MPP7: variants seen among roughly 807,000 people sequenced by gnomAD.
MPP7 encodes the protein MAGUK p55 subfamily member 7.
MPP7 carries 60 observed loss-of-function variants against 76.5 expected under a neutral mutation model. The ratio of observed to expected loss-of-function variants is 0.78; its 90% CI spans 0.64 to 0.97. The LOEUF is 0.97. MPP7 is among the 50% of genes least tolerant of loss of function. The probability of loss-of-function intolerance (pLI) is 0.00; values close to 1 mark genes in which losing one functional copy is unlikely to be tolerated. For synonymous variants in MPP7, 237 were observed against 244.5 expected, an observed-to-expected ratio of 0.97 and a Z score of 0.29; for missense variants, 641 against 694.0, an observed-to-expected ratio of 0.92 and a Z score of 0.86.
intron 2 of MPP7, among the ~76,000 whole-genome samples, chr10:28,315,443 G>A (rs546071687): frequency 6.6e-6 from 1 of 152,156 alleles, no homozygotes; most frequent in African/African-American, 2.4e-5. Context: ...AGAGCGTTGT[G>A]CCCCCTTTTC....
intron 1 of MPP7, among the ~76,000 whole-genome samples, chr10:28,262,181 TAAATTATATATA>T (rs1366147612): frequency 0.13 from 10,797 of 86,276 alleles, 1,715 homozygotes; most frequent in East Asian, 0.49. Flanking sequence ...AATAAATAAA[TAAATTATATATA>T]TATATATATA....
chr10:28,258,801 C>T (rs2100615), intron 1 of MPP7, among the ~76,000 whole-genome samples: 22,315 of 152,152 alleles, frequency 0.15, 2,239 homozygotes, highest in East Asian at 0.52. Flanking sequence ...AACCACCAGG[C>T]ACTATGCTAG....
chr10:28,271,715 C>T (rs1246698587), intron 1 of MPP7, among the ~76,000 whole-genome samples: 1 of 152,190 alleles, frequency 6.6e-6, no homozygotes, highest in Non-Finnish European at 1.5e-5. Flanking sequence ...GTGGCTCACG[C>T]CTGTAATCCC....
chr10:28,213,376 G>A (rs1165137085), intron 2 of MPP7, among the ~76,000 whole-genome samples: 3 of 152,126 alleles, frequency 2.0e-5, no homozygotes, highest in Admixed American at 6.5e-5. Context: ...GATGCCCCAC[G>A]TGGGGCAAAT....
chr10:28,132,423 T>C (rs1230946758), intron 5 of MPP7, among the ~76,000 whole-genome samples: 1 of 152,112 alleles, frequency 6.6e-6, no homozygotes, highest in African/African-American at 2.4e-5. Flanking sequence ...CCAATATATA[T>C]TCTATTTTTT....
chr10:28,240,319 A>G (rs1839224453), intron 1 of MPP7, among the ~76,000 whole-genome samples: 1 of 152,186 alleles, frequency 6.6e-6, no homozygotes, highest in Admixed American at 6.5e-5. Context: ...AATAAAGAGA[A>G]ATGAACTTGC....
At chr10:28,128,087 T>C (rs1835076303) in intron 6 of MPP7, among the ~76,000 whole-genome samples, 1 of 152,258 alleles carries the variant, frequency 6.6e-6, no homozygotes, top group East Asian at 1.9e-4. Context: ...TATGAGTCAC[T>C]GTGAGGACAC....
intron 5 of MPP7, among the ~76,000 whole-genome samples, chr10:28,139,930 G>T (rs1835459518): frequency 6.6e-6 from 1 of 151,908 alleles, no homozygotes; most frequent in African/African-American, 2.4e-5. Flanking sequence ...TATTAAAAAG[G>T]TTAACAGGTT....
chr10:28,134,394 G>A (rs3890674), intron 5 of MPP7, among the ~76,000 whole-genome samples: 53,175 of 151,892 alleles, frequency 0.35, 11,210 homozygotes, highest in East Asian at 0.86. Context: ...ACTATTTATA[G>A]TATGCTGGAC....
At chr10:28,185,358 A>T (rs1837201992) in intron 3 of MPP7, among the ~76,000 whole-genome samples, 1 of 152,112 alleles carries the variant, frequency 6.6e-6, no homozygotes, top group African/African-American at 2.4e-5. Flanking sequence ...CTGAATTCTG[A>T]CTACAGTTGC....
intron 11 of MPP7, among the ~76,000 whole-genome samples, chr10:28,104,441 T>C (rs1404193628): frequency 1.3e-5 from 2 of 152,238 alleles, no homozygotes; most frequent in Non-Finnish European, 2.9e-5. Context: ...TTGCCATTTA[T>C]GTTAGCATGT....
At chr10:28,091,102 G>A (rs1405078969) in intron 11 of MPP7, among the ~76,000 whole-genome samples, 2 of 151,962 alleles carry the variant, frequency 1.3e-5, no homozygotes, top group African/African-American at 2.4e-5. Context: ...AGCCAAGATC[G>A]CACCACCGTA....
chr10:28,330,428 A>T (rs1165576400), intron 1 of MPP7, among the ~76,000 whole-genome samples: 2 of 152,190 alleles, frequency 1.3e-5, no homozygotes, highest in Admixed American at 6.5e-5. Context: ...TGACCTGCCC[A>T]ACTTAGCAAG....
chr10:28,111,027 T>C (rs76071434), intron 11 of MPP7, among the ~76,000 whole-genome samples: 12,393 of 152,208 alleles, frequency 0.081, 940 homozygotes, highest in African/African-American at 0.19. Flanking sequence ...TGTAAGTTGA[T>C]TGTTATATTC....
At chr10:28,255,872 C>G (rs564805885) in intron 1 of MPP7, among the ~76,000 whole-genome samples, 1 of 152,082 alleles carries the variant, frequency 6.6e-6, no homozygotes, top group Non-Finnish European at 1.5e-5. Context: ...TAGTGGTATC[C>G]TAAAAAGTTT....
chr10:28,091,519 C>T (rs1853302471), intron 11 of MPP7, among the ~76,000 whole-genome samples: 1 of 152,092 alleles, frequency 6.6e-6, no homozygotes, highest in South Asian at 2.1e-4. Context: ...AACTTCTGAC[C>T]TCAGGTAATC....
chr10:28,294,327 T>C (rs1181121297), intron 1 of MPP7, among the ~76,000 whole-genome samples: 3 of 152,102 alleles, frequency 2.0e-5, no homozygotes, highest in Admixed American at 6.5e-5. Flanking sequence ...GCGTTCAAGG[T>C]CATCAAATAC....
At chr10:28,121,213 C>A (rs1013861135) in intron 8 of MPP7, among the ~76,000 whole-genome samples, 1 of 150,074 alleles carries the variant, frequency 6.7e-6, no homozygotes, top group East Asian at 2.0e-4. Context: ...TTCAAGGCTG[C>A]GGTGAGCTGT....
chr10:28,095,461 C>T (rs898558231), intron 11 of MPP7, among the ~76,000 whole-genome samples: 2 of 152,092 alleles, frequency 1.3e-5, no homozygotes, highest in Non-Finnish European at 2.9e-5. Context: ...GCACACTTCA[C>T]ATGTCCTTCA....
Sources: allele counts gnomAD v4.1 joint callset (sites outside exome capture counted in the v4.1 genomes callset), GRCh38; gene constraint gnomAD v4.1.1; transcripts MANE v1.5; gene names NCBI Gene and HGNC (gene_info 2026-07-23, HGNC 2026-07-21).